Variants in CD180 observed in about 807,000 individuals in gnomAD.
The protein encoded by CD180 is CD180 antigen.
A neutral mutation model predicts 10.7 loss-of-function variants in CD180; 11 were observed. The ratio of observed to expected loss-of-function variants is 1.03; its 90% CI spans 0.65 to 1.70. CD180 has a LOEUF of 1.70. CD180 is among the 40% of genes most tolerant of loss of function. CD180 has a pLI of 0.00. For missense variants in CD180, 729 were observed against 775.2 expected, an observed-to-expected ratio of 0.94 and a Z score of 0.71; for synonymous variants, 286 against 294.6, an observed-to-expected ratio of 0.97 and a Z score of 0.30.
intron 1 of CD180, among the ~76,000 whole-genome samples, chr5:67,191,479 C>G (rs1027747606): frequency 1.3e-5 from 2 of 152,152 alleles, no homozygotes; most frequent in East Asian, 1.9e-4. Context: ...TAACCAGTCC[C>G]CATCCCACAC....
In CD180 at chr5:67,180,962, GCAC is replaced by G. The variant is rs1435258855; in HGVS notation, c.*1892_*1894del. ...TACAGTGAGCCAAGATTGCACTATAGCACTCCAGCCTGGGCGACAGAGCAAGAA... is the reference window on the plus strand; with the variant it reads ...TACAGTGAGCCAAGATTGCACTATAGTCCAGCCTGGGCGACAGAGCAAGAA... On this transcript the variant is annotated 3_prime_UTR_variant, in exon 3 of 3. Transcript: ENST00000256447. 1.3e-5 allele frequency: 2 copies of G among 151,522 alleles called. No individual in the cohort carries two copies. The highest frequency in any genetic ancestry group is 2.9e-5 in the Non-Finnish European group (2 of 68,002). 9.4% of individuals were successfully genotyped at this position (151,522 alleles called of 1,614,324 possible).
In CD180 at chr5:67,180,363, T is replaced by G. The variant is rs180920539; in HGVS notation, c.*2494A>C. ...GCAATTAGTATTTTCCATCTGCAGC[T>G]TAAATCCCTAAGGCAAGAAAGAGCT... On this transcript the variant is annotated 3_prime_UTR_variant, in exon 3 of 3. Transcript: ENST00000256447. 1.3e-5 allele frequency: 2 copies of G among 152,366 alleles called. No homozygotes were observed. Among genetic ancestry groups the G allele is most frequent in the Non-Finnish European group, 2.9e-5 (2 of 68,036 alleles). The allele number at this position is 152,366 out of a possible 1,614,324, so 9.4% of individuals were successfully genotyped here.
chr5:67,193,326 T>G (rs1742344125), intron 1 of CD180, among the ~76,000 whole-genome samples: 1 of 152,144 alleles, frequency 6.6e-6, no homozygotes, highest in Non-Finnish European at 1.5e-5. Flanking sequence ...TTCGGGGTAA[T>G]TTACCCTTGA....
intron 1 of CD180, among the ~76,000 whole-genome samples, chr5:67,186,877 A>ATGTGTGTGT (rs1561235932): frequency 0.04 from 4,497 of 112,628 alleles, 143 homozygotes; most frequent in African/African-American, 0.12. Context: ...TGTGTGTGAA[A>ATGTGTGTGT]GAGAGAGAGA....
rs781739796 is a variant in CD180 at position 67,183,979 on chromosome 5, G to A, written c.864C>T (p.Asp288=). 1.2e-6 allele frequency: 2 copies of A among 1,614,220 alleles called. No individual in the cohort carries two copies. The highest frequency in any genetic ancestry group is 1.7e-6 in the Non-Finnish European group (2 of 1,180,034). Residue 288 remains aspartate (D), a synonymous_variant, in exon 3 of 3, where the codon GAC becomes GAT. Transcript: ENST00000256447. ...AGCACTGAAATGTGGTGGATGAGAT[G>A]TCAGAGAAGCGGTGTTCCTGCAGGT... The part of the protein sequence containing the change: ...SLNLQEHRFS[D]ISSTTFQCFT...
chr5:67,192,249 G>T (rs1304851670), intron 1 of CD180, among the ~76,000 whole-genome samples: 2 of 152,084 alleles, frequency 1.3e-5, no homozygotes, highest in Non-Finnish European at 2.9e-5. Context: ...AAATTGCCAG[G>T]TGTGGTGGTG....
At position 67,183,092 on chromosome 5, in the gene CD180, G is replaced by A. The variant is rs752561824; in HGVS notation, c.1751C>T (p.Ser584Leu). 42 of 1,611,312 alleles carry A rather than the reference G, an allele frequency of 2.6e-5. No individual in the cohort carries two copies. Among genetic ancestry groups the A allele is most frequent in the Non-Finnish European group, 3.4e-5 (40 of 1,178,260 alleles). Residue 584 changes from serine (S) to leucine (L), a missense_variant, in exon 3 of 3, where the codon TCG becomes TTG. Transcript: ENST00000256447. ...GTACCATGTTAAGAAATGAATATTC[G>A]AGCAAGTGCAGTCCAGGGGGTTATG... The part of the protein sequence containing the change: ...LSHNPLDCTC[S>L]NIHFLTWYKE...
Position 67,196,597 on chromosome 5 carries a change from A to G in CD180, c.45T>C (p.Ser15=). The G allele has an allele frequency of 6.2e-7, 1 of 1,614,094 alleles. No homozygotes were observed. The change falls in exon 1 of 3, where the codon TCT becomes TCC. Residue 15 remains serine, a synonymous_variant. Coordinates refer to ENST00000256447, the MANE Select transcript of CD180 (RefSeq NM_005582.3). ...AGGAGGTGATGACTTTACAGCCGGCAGAAAACAGCACCACCCAAAAGAAGC... is the reference window on the plus strand; with the variant it reads ...AGGAGGTGATGACTTTACAGCCGGCGGAAAACAGCACCACCCAAAAGAAGC... The part of the protein sequence containing the change: ...VSCFFWVVLF[S]AGCKVITSWD...
rs1412483485 is a variant in CD180 at position 67,184,213 on chromosome 5, A to G, written c.630T>C (p.Asn210=). Residue 210 remains asparagine (N), a synonymous_variant, in exon 3 of 3, where the codon AAT becomes AAC. Transcript: ENST00000256447. The part of the protein sequence containing the change: ...INLSLNFNGN[N]VKGIELGAFD... ...AAGCCCCAAGCTCAATACCTTTAAC[A>G]TTATTGCCATTGAAGTTCAGGCTTA... The G allele has an allele frequency of 2.5e-6, 4 of 1,614,024 alleles. No individual in the cohort carries two copies. The highest frequency in any genetic ancestry group is 2.7e-5 in the African/African-American group (2 of 74,912).
At chr5:67,195,084 C>A (rs1223818691) in intron 1 of CD180, among the ~76,000 whole-genome samples, 1 of 152,202 alleles carries the variant, frequency 6.6e-6, no homozygotes. Context: ...GGTGCAGAAG[C>A]AGCAAACTCT....
At chr5:67,194,669 A>G (rs1408594042) in intron 1 of CD180, among the ~76,000 whole-genome samples, 1 of 152,242 alleles carries the variant, frequency 6.6e-6, no homozygotes, top group Non-Finnish European at 1.5e-5. Flanking sequence ...GCAATGCCGT[A>G]GTCTCAGTGG....
chr5:67,186,356 A>G (rs1742194044), intron 1 of CD180: 1 of 166,042 alleles, frequency 6.0e-6, no homozygotes, highest in Non-Finnish European at 1.3e-5. Flanking sequence ...CAAGGTGAAA[A>G]AAGCAAAATG....
At chr5:67,193,312 A>T (rs933739753) in intron 1 of CD180, among the ~76,000 whole-genome samples, 1 of 152,234 alleles carries the variant, frequency 6.6e-6, no homozygotes, top group East Asian at 1.9e-4. Context: ...AAGGGTGAGT[A>T]AAGTTCGGGG....
chr5:67,189,467 A>G (rs1309877120), intron 1 of CD180, among the ~76,000 whole-genome samples: 1 of 152,212 alleles, frequency 6.6e-6, no homozygotes, highest in East Asian at 1.9e-4. Flanking sequence ...AGCCTGTGCC[A>G]TAATATTGAA....
chr5:67,193,515 C>A (rs1348025615), intron 1 of CD180, among the ~76,000 whole-genome samples: 2 of 152,132 alleles, frequency 1.3e-5, no homozygotes, highest in Non-Finnish European at 2.9e-5. Flanking sequence ...AAACAGCCTT[C>A]GAATCTTGTT....
In CD180 at chr5:67,182,581, C is replaced by A. The variant is rs1803440; in HGVS notation, c.*276G>T. 1 of 265,442 alleles carries A rather than the reference C, an allele frequency of 3.8e-6. No individual in the cohort carries two copies. Among genetic ancestry groups the A allele is most frequent in the Non-Finnish European group, 7.1e-6 (1 of 140,856 alleles). The allele number at this position is 265,442 out of a possible 1,614,324, so 16.4% of individuals were successfully genotyped here. On this transcript the variant is annotated 3_prime_UTR_variant, in exon 3 of 3. Coordinates refer to ENST00000256447, the MANE Select transcript of CD180 (RefSeq NM_005582.3). ...CCGGCAGTCCCTGCCCAGTCCCTCC[C>A]TCTGCTTCCTCCCACTCTTCCACAT...
chr5:67,190,476 G>T lies in CD180; in HGVS notation c.91-4459C>A, dbSNP rs184838624. Among the ~76,000 whole-genome samples, 41 of 152,342 alleles carry T rather than the reference G, an allele frequency of 2.7e-4. No homozygotes were observed. The East Asian group carries it at 7.7e-3, about 29-fold the overall frequency. ...CACATGACCATTTCCTATAAACCCA[G>T]CCTTCTCTTCCTAGAGAAGTCTAGA... On this transcript the variant is annotated intron_variant, in intron 1 of 2. Coordinates refer to ENST00000256447, the MANE Select transcript of CD180 (RefSeq NM_005582.3).
rs746380841 is a variant in CD180 at position 67,183,985 on chromosome 5, G to T, written c.858C>A (p.Phe286Leu). The change falls in exon 3 of 3, where the codon TTC (phenylalanine) becomes TTA (leucine). Residue 286 changes from phenylalanine (F) to leucine (L), a missense_variant. By Grantham distance (22) the Phe-to-Leu change is conservative. Coordinates refer to ENST00000256447, the MANE Select transcript of CD180 (RefSeq NM_005582.3). ...GAAATGTGGTGGATGAGATGTCAGA[G>T]AAGCGGTGTTCCTGCAGGTTGAGGC... ...VESLNLQEHR[F>L]SDISSTTFQC... 1.1e-5 allele frequency: 17 copies of T among 1,614,214 alleles called. No homozygotes were observed. In the East Asian group the frequency reaches 3.6e-4, roughly 34 times the overall value.
chr5:67,184,523 A>G lies in CD180; in HGVS notation c.320T>C (p.Val107Ala). The G allele has an allele frequency of 6.2e-7, 1 of 1,612,962 alleles. No homozygotes were observed. The highest frequency in any genetic ancestry group is 8.5e-7 in the Non-Finnish European group (1 of 1,178,934). ...GAATATCAGGGGATTTCCAGTTAAC[A>G]CAAGTGTGCTTAATTGATGATGGCT... ...FQSHHQLSTL[V>A]LTGNPLIFMA... The change falls in exon 3 of 3, where the codon GTG becomes GCG. Residue 107 changes from valine (V) to alanine (A), a missense_variant. Transcript: ENST00000256447.
Sources: gnomAD v4.1 joint callset for allele counts (sites outside exome capture counted in the v4.1 genomes callset) on GRCh38, gnomAD v4.1.1 for gene constraint, MANE v1.5 for transcripts, NCBI Gene and HGNC (gene_info 2026-07-23, HGNC 2026-07-21) for gene names.